The following GAS6 variants were observed in gnomAD, a reference collection of about 807,000 sequenced individuals.
The protein encoded by GAS6 is growth arrest specific 6, also known as growth arrest-specific protein 6.
Under a neutral mutation model 75.8 loss-of-function variants are expected in GAS6, and 41 were observed. The observed-to-expected ratio is 0.54, with a 90% CI of 0.42 to 0.70. The LOEUF (loss-of-function observed/expected upper bound fraction) is 0.70, where lower values mean the gene tolerates loss of function less well. Ranked by LOEUF, GAS6 falls within the 30% of genes least tolerant of loss-of-function variation. The probability of loss-of-function intolerance (pLI) is 0.00; values close to 1 mark genes in which losing one functional copy is unlikely to be tolerated. For synonymous variants in GAS6, 432 were observed against 412.6 expected, an observed-to-expected ratio of 1.05 and a Z score of -0.57; for missense variants, 854 against 940.2, an observed-to-expected ratio of 0.91 and a Z score of 1.20.
intron 12 of GAS6, among the ~76,000 whole-genome samples, chr13:113,825,298 G>A (rs960506160): frequency 6.7e-6 from 1 of 149,834 alleles, no homozygotes; most frequent in Non-Finnish European, 1.5e-5. Context: ...GTTGGCCATC[G>A]GGGCTTCACA....
chr13:113,845,372 G>A lies in GAS6; in HGVS notation c.343+1155C>T, dbSNP rs2051825687. The A allele has an allele frequency of 6.7e-6, 1 of 150,068 alleles. No individual in the cohort carries two copies. The highest frequency in any genetic ancestry group is 2.1e-4 in the South Asian group (1 of 4,810). 9.3% of individuals were successfully genotyped at this position (150,068 alleles called of 1,614,324 possible). A position where few individuals can be genotyped will look rare whatever the true frequency, so the allele number is the denominator to read the frequency against. On this transcript the variant is annotated intron_variant, in intron 4 of 14. Transcript: ENST00000327773. The surrounding 1 kb of genome is among the most constrained non-coding windows in gnomAD (Gnocchi z 4.3). ...GGGAAGAGACTCCTGCCTCTCCCAG[G>A]ATGACTCCGTCCCGCCACGCCTCTG...
chr13:113,842,639 C>A, intron 4 of GAS6: 1 of 397,212 alleles, frequency 2.5e-6, no homozygotes. Flanking sequence ...GCTCTGGGGG[C>A]AGGAGGGAGT....
At position 113,822,045 on chromosome 13, in the gene GAS6, C is replaced by A. The variant is rs1160197849; in HGVS notation, c.1795G>T (p.Val599Leu). The A allele has an allele frequency of 6.3e-7, 1 of 1,580,274 alleles. No homozygotes were observed. The highest frequency in any genetic ancestry group is 8.6e-7 in the Non-Finnish European group (1 of 1,165,040). The part of the protein sequence containing the change: ...EVDGTRGQSE[V>L]SAAQLQERLA... ...CTCTCCTGCAGCTGCGCGGCGCTCACCTCGCTCTGGCCCCTGGTGCCGTCC... is the reference window on the plus strand; with the variant it reads ...CTCTCCTGCAGCTGCGCGGCGCTCAACTCGCTCTGGCCCCTGGTGCCGTCC... Residue 599 changes from valine (V) to leucine (L), a missense_variant, in exon 14 of 15, where the codon GTG becomes TTG. Val to Leu is a conservative substitution (Grantham distance 32). Coordinates refer to ENST00000327773, the MANE Select transcript of GAS6 (RefSeq NM_000820.4).
At chr13:113,847,748 G>T (rs1426369550) in intron 3 of GAS6, 16 of 463,246 alleles carry the variant, frequency 3.5e-5, no homozygotes, top group South Asian at 7.3e-5. Context: ...TCAATTACAC[G>T]TCCTGACAAG....
At chr13:113,861,564 AGTT>A (rs1001925065) in intron 2 of GAS6, among the ~76,000 whole-genome samples, 26 of 152,176 alleles carry the variant, frequency 1.7e-4, no homozygotes, top group Admixed American at 1.6e-3. Flanking sequence ...ATTAGCAGGA[AGTT>A]GTGCTTGGAC....
chr13:113,823,171 T>C, intron 13 of GAS6: 2 of 534,966 alleles, frequency 3.7e-6, no homozygotes, highest in African/African-American at 1.9e-5. Flanking sequence ...CCCCCTCAGC[T>C]GTGTGGCGGT....
intron 8 of GAS6, chr13:113,832,961 A>C: frequency 2.1e-6 from 3 of 1,426,134 alleles, no homozygotes; most frequent in Non-Finnish European, 2.8e-6. Context: ...GCCGCTTCCC[A>C]CAGGGCTTCT....
intron 2 of GAS6, among the ~76,000 whole-genome samples, chr13:113,859,266 G>C (rs1053300743): frequency 6.6e-6 from 1 of 151,722 alleles, no homozygotes; most frequent in Non-Finnish European, 1.5e-5. Flanking sequence ...CTGTGTGACT[G>C]TGTAGGTACA....
Position 113,828,707 on chromosome 13 carries a change from G to A in GAS6, c.1148C>T (p.Ser383Phe). The change falls in exon 11 of 15, where the codon TCT (serine) becomes TTT (phenylalanine). Residue 383 changes from serine (S) to phenylalanine (F), a missense_variant. Ser to Phe is a radical substitution (Grantham distance 155). Coordinates refer to ENST00000327773, the MANE Select transcript of GAS6 (RefSeq NM_000820.4). ...CAGATTCCGCGCCAGCTCCTCAACA[G>A]AGATCTGAAGAGAGGCAGCGCCATG... ...VINHGMWQTI[S>F]VEELARNLVI... The A allele has an allele frequency of 6.2e-7, 1 of 1,612,958 alleles. No homozygotes were observed. The highest frequency in any genetic ancestry group is 8.5e-7 in the Non-Finnish European group (1 of 1,179,734).
chr13:113,853,168 C>T (rs2051889435), intron 2 of GAS6, among the ~76,000 whole-genome samples: 1 of 152,252 alleles, frequency 6.6e-6, no homozygotes, highest in Non-Finnish European at 1.5e-5. Flanking sequence ...AGACAGGAAA[C>T]ACTTTTGGGC....
intron 12 of GAS6, among the ~76,000 whole-genome samples, chr13:113,825,788 T>C (rs1165936818): frequency 2.0e-5 from 3 of 151,726 alleles, no homozygotes; most frequent in Non-Finnish European, 4.4e-5. Flanking sequence ...CTCAGATGCC[T>C]TTCCTGACAC....
At chr13:113,825,564 CGGCCGGCAGTCACTGGAAATGGCCCCT>C (rs976188452) in intron 12 of GAS6, among the ~76,000 whole-genome samples, 5 of 152,144 alleles carry the variant, frequency 3.3e-5, no homozygotes, top group Non-Finnish European at 7.4e-5. Context: ...CCGGCAGACG[CGGCCGGCAGTCACTGGAAATGGCCCCT>C]GTGATGCCTG....
In GAS6 at chr13:113,835,025, G is replaced by A. The variant is rs369658818; in HGVS notation, c.713-353C>T. On this transcript the variant is annotated intron_variant, in intron 7 of 14. Transcript: ENST00000327773. ...GTGTCCCCCGGAGCACAGAGGGGCC[G>A]ACAGCTGTGGTGGGAAATGGAGGTC... 5.3e-5 allele frequency among the ~76,000 whole-genome samples: 8 copies of A among 152,376 alleles called. No homozygotes were observed. In the East Asian group the frequency reaches 5.8e-4, roughly 11 times the overall value.
At position 113,820,795 on chromosome 13, in the gene GAS6, G is replaced by A. The variant is rs1245399992; in HGVS notation, c.*69C>T. On this transcript the variant is annotated 3_prime_UTR_variant, in exon 15 of 15. Transcript: ENST00000327773. ...AGCTCTCAGCATGGCCCCACGTGGT[G>A]AGGAGCCCCCAGGCTCCTCCCGGCT... 7 of 1,528,030 alleles carry A rather than the reference G, an allele frequency of 4.6e-6. No homozygotes were observed. The highest frequency in any genetic ancestry group is 6.2e-6 in the Non-Finnish European group (7 of 1,131,528). 94.7% of individuals were successfully genotyped at this position (1,528,030 alleles called of 1,614,324 possible).
At chr13:113,860,930 A>G (rs2051966351) in intron 2 of GAS6, among the ~76,000 whole-genome samples, 1 of 151,980 alleles carries the variant, frequency 6.6e-6, no homozygotes, top group Non-Finnish European at 1.5e-5. Flanking sequence ...ACAACCAGGA[A>G]GCAGCCCCAG....
chr13:113,843,685 C>T (rs1408939233), intron 4 of GAS6: 1 of 151,146 alleles, frequency 6.6e-6, no homozygotes. Context: ...CTACACTCTT[C>T]CCAGGCCTCC....
At position 113,837,106 on chromosome 13, in the gene GAS6, T is replaced by A. The variant is rs1243283627; in HGVS notation, c.589+963A>T. Among the ~76,000 whole-genome samples, 1 of 151,892 alleles carries A rather than the reference T, an allele frequency of 6.6e-6. No individual in the cohort carries two copies. The highest frequency in any genetic ancestry group is 1.5e-5 in the Non-Finnish European group (1 of 67,944). On this transcript the variant is annotated intron_variant, in intron 6 of 14. Transcript: ENST00000327773. The surrounding 1 kb of genome is among the most constrained non-coding windows in gnomAD (Gnocchi z 5.1). ...CTTTAAACCTGGGGTGCTGCTGTCT[T>A]CCAGGTCAGGGATAGAGCAGTGATG... is the stretch of plus-strand genomic sequence containing the variant.
At chr13:113,861,892 C>G (rs143617135) in intron 2 of GAS6, among the ~76,000 whole-genome samples, 4 of 152,276 alleles carry the variant, frequency 2.6e-5, no homozygotes, top group Non-Finnish European at 4.4e-5. Flanking sequence ...GAAAAGAAGC[C>G]GACAGAGGCT....
At chr13:113,861,625 T>G (rs567337111) in intron 2 of GAS6, among the ~76,000 whole-genome samples, 3 of 151,920 alleles carry the variant, frequency 2.0e-5, no homozygotes, top group Non-Finnish European at 2.9e-5. Context: ...GAGGATGCAG[T>G]GGAGACTAGG....
Sources: allele counts gnomAD v4.1 joint callset (sites outside exome capture counted in the v4.1 genomes callset), GRCh38; gene constraint gnomAD v4.1.1; non-coding constraint Gnocchi (gnomAD v3.1); transcripts MANE v1.5; gene names NCBI Gene and HGNC (gene_info 2026-07-23, HGNC 2026-07-21).